The following KCNIP4 variants were observed in gnomAD, a reference collection of about 807,000 sequenced individuals.
The protein encoded by KCNIP4 is potassium voltage-gated channel interacting protein 4.
KCNIP4 carries 12 observed loss-of-function variants against 34.0 expected under a neutral mutation model. The observed-to-expected ratio is 0.35, with a 90% CI of 0.23 to 0.57. The LOEUF is 0.57. Ranked by LOEUF, KCNIP4 falls within the 20% of genes least tolerant of loss-of-function variation. The pLI is 0.83. For synonymous variants in KCNIP4, 124 were observed against 102.2 expected (o/e 1.21, Z -1.29); for missense variants, 238 against 311.7 (o/e 0.76, Z 1.78).
At chr4:21,330,969 G>T (rs1715574406) in intron 1 of KCNIP4, among the ~76,000 whole-genome samples, 1 of 152,110 alleles carries the variant, frequency 6.6e-6, no homozygotes, top group Non-Finnish European at 1.5e-5. Context: ...GCCCAACCTG[G>T]ATCAGGACCG....
chr4:20,965,387 T>A (rs1331824785), intron 1 of KCNIP4, among the ~76,000 whole-genome samples: 1 of 152,154 alleles, frequency 6.6e-6, no homozygotes, highest in East Asian at 1.9e-4. Context: ...CCATTTATAA[T>A]GAAACAAATG....
chr4:20,859,631 A>G (rs1331769251), intron 2 of KCNIP4, among the ~76,000 whole-genome samples: 1 of 152,094 alleles, frequency 6.6e-6, no homozygotes, highest in East Asian at 1.9e-4. Flanking sequence ...CAAATCATCT[A>G]GGAACAACAG....
intron 1 of KCNIP4, among the ~76,000 whole-genome samples, chr4:20,999,095 A>G (rs766646674): frequency 9.9e-5 from 15 of 152,202 alleles, no homozygotes; most frequent in Non-Finnish European, 2.1e-4. Context: ...CATTCTAGAC[A>G]GGTTTTCTGA....
At chr4:21,527,748 C>T (rs1040806819) in intron 1 of KCNIP4, among the ~76,000 whole-genome samples, 3 of 151,986 alleles carry the variant, frequency 2.0e-5, no homozygotes, top group Admixed American at 1.3e-4. Flanking sequence ...TGTATAATCA[C>T]GAAAAGGAAA....
intron 1 of KCNIP4, among the ~76,000 whole-genome samples, chr4:21,236,074 C>G (rs886069962): frequency 6.6e-6 from 1 of 151,924 alleles, no homozygotes; most frequent in Non-Finnish European, 1.5e-5. Context: ...GCAGGCAGAT[C>G]GCTTGAGTTC....
intron 1 of KCNIP4, among the ~76,000 whole-genome samples, chr4:21,840,613 A>G (rs1723618717): frequency 6.6e-6 from 1 of 152,156 alleles, no homozygotes; most frequent in Admixed American, 6.6e-5. Context: ...CCCTTGAATA[A>G]TATGTTGGTG....
chr4:21,936,079 G>A (rs563953494), intron 1 of KCNIP4, among the ~76,000 whole-genome samples: 1 of 151,794 alleles, frequency 6.6e-6, no homozygotes, highest in East Asian at 1.9e-4. Flanking sequence ...CTTTTACGAA[G>A]TATATAAAAA....
Position 21,376,430 on chromosome 4 carries a change from T to G in KCNIP4, c.62-493721A>C, listed in dbSNP as rs1577260142. 4.6e-5 allele frequency among the ~76,000 whole-genome samples: 7 copies of G among 152,340 alleles called. 1 individual carries two copies. Among genetic ancestry groups the G allele is most frequent in the Admixed American group, 3.9e-4 (6 of 15,302 alleles). On this transcript the variant is annotated intron_variant, in intron 1 of 8. Coordinates refer to ENST00000382152, the MANE Select transcript of KCNIP4 (RefSeq NM_025221.6). Reference sequence around the variant, plus strand: ...GCCCCGTAAGCCTATTTGTAGTTTCTTAAACATAGCCAGATCTTTCAGTAA... The same window carrying G: ...GCCCCGTAAGCCTATTTGTAGTTTCGTAAACATAGCCAGATCTTTCAGTAA...
chr4:20,732,128 G>T (rs1483511401), intron 7 of KCNIP4, 60 bp from the exon 8 acceptor site: 1 of 1,135,776 alleles, frequency 8.8e-7, no homozygotes, highest in Non-Finnish European at 1.3e-6. Context: ...CTCACACCTG[G>T]ACCAAATGAG....
At chr4:20,970,086 C>T (rs192625255) in intron 1 of KCNIP4, among the ~76,000 whole-genome samples, 3,622 of 151,980 alleles carry the variant, frequency 0.024, 152 homozygotes, top group African/African-American at 0.083. Flanking sequence ...GGACTACAGG[C>T]GCCCGCCACC....
At chr4:21,644,273 A>G (rs564395816) in intron 1 of KCNIP4, among the ~76,000 whole-genome samples, 2 of 152,254 alleles carry the variant, frequency 1.3e-5, no homozygotes, top group East Asian at 3.9e-4. Flanking sequence ...ATCTAATATT[A>G]CTTTTGGAGG....
chr4:21,469,174 C>T (rs1245844848), intron 1 of KCNIP4, among the ~76,000 whole-genome samples: 1 of 152,080 alleles, frequency 6.6e-6, no homozygotes, highest in Non-Finnish European at 1.5e-5. Flanking sequence ...AAGTGCTCCT[C>T]CCATCTCAGC....
intron 1 of KCNIP4, among the ~76,000 whole-genome samples, chr4:21,053,843 C>T (rs943211912): frequency 6.6e-6 from 1 of 151,988 alleles, no homozygotes; most frequent in African/African-American, 2.4e-5. Flanking sequence ...TACAAAACTC[C>T]GATGAACAAA....
chr4:20,972,679 T>A (rs1203838292), intron 1 of KCNIP4, among the ~76,000 whole-genome samples: 1 of 151,804 alleles, frequency 6.6e-6, no homozygotes, highest in African/African-American at 2.4e-5. Context: ...ACCCAAAGAG[T>A]GAGCAACAGC....
intron 1 of KCNIP4, among the ~76,000 whole-genome samples, chr4:21,689,887 C>T (rs896200101): frequency 6.6e-6 from 1 of 151,854 alleles, no homozygotes; most frequent in African/African-American, 2.4e-5. Context: ...ACATGTTGAT[C>T]TACTGCAGGG....
chr4:21,168,606 C>A (rs974327012), intron 1 of KCNIP4, among the ~76,000 whole-genome samples: 1 of 152,070 alleles, frequency 6.6e-6, no homozygotes, highest in African/African-American at 2.4e-5. Context: ...GTCCTAATTT[C>A]CAAAATTTTC....
chr4:21,100,425 T>C (rs1747836052), intron 1 of KCNIP4, among the ~76,000 whole-genome samples: 1 of 152,138 alleles, frequency 6.6e-6, no homozygotes, highest in Non-Finnish European at 1.5e-5. Flanking sequence ...TGCTGGTATG[T>C]ACCTGTAGAC....
intron 1 of KCNIP4, among the ~76,000 whole-genome samples, chr4:21,688,174 G>T (rs1577847628): frequency 6.6e-6 from 1 of 152,252 alleles, no homozygotes; most frequent in Admixed American, 6.5e-5. Context: ...GGGTACAGCT[G>T]GTTAATTAAG....
chr4:21,587,868 T>C (rs1741767699), intron 1 of KCNIP4, among the ~76,000 whole-genome samples: 2 of 152,062 alleles, frequency 1.3e-5, no homozygotes, highest in Admixed American at 1.3e-4. Context: ...TATGAATACA[T>C]ATAGCCCTGT....
Sources: gnomAD v4.1 joint callset for allele counts (sites outside exome capture counted in the v4.1 genomes callset) on GRCh38, gnomAD v4.1.1 for gene constraint, MANE v1.5 for transcripts, NCBI Gene and HGNC (gene_info 2026-07-23, HGNC 2026-07-21) for gene names.